Variants in BCAM observed in about 807,000 individuals in gnomAD.
BCAM encodes the protein basal cell adhesion molecule.
BCAM carries 61 observed loss-of-function variants against 72.4 expected under a neutral mutation model. The observed-to-expected ratio is 0.84, with a 90% CI of 0.69 to 1.04. BCAM has a LOEUF of 1.04. BCAM is among the 50% of genes least tolerant of loss of function. BCAM has a pLI of 0.00. For synonymous variants in BCAM, 408 were observed against 384.2 expected (o/e 1.06, Z -0.73); for missense variants, 909 against 895.0 (o/e 1.02, Z -0.20).
intron 2 of BCAM, 22 bp downstream of exon 2, chr19:44,811,368 G>T (rs766877162): frequency 1.2e-6 from 2 of 1,612,518 alleles, no homozygotes; most frequent in Admixed American, 3.3e-5. Context: ...GGGCTGGGGG[G>T]CCTGGAGTCA....
At chr19:44,816,504 G>A (rs1174589874) in intron 8 of BCAM, among the ~76,000 whole-genome samples, 1 of 152,184 alleles carries the variant, frequency 6.6e-6, no homozygotes, top group Non-Finnish European at 1.5e-5. Flanking sequence ...CCAGAGAGGG[G>A]TGACAGCTGC....
chr19:44,820,830 A>G lies in BCAM; in HGVS notation c.1881+8A>G, dbSNP rs1280833767. 4 of 1,515,346 alleles carry G rather than the reference A, an allele frequency of 2.6e-6. No individual in the cohort carries two copies. Among genetic ancestry groups the G allele is most frequent in the South Asian group, 2.5e-5 (2 of 78,956 alleles). 93.9% of individuals were successfully genotyped at this position (1,515,346 alleles called of 1,614,324 possible). A position where few individuals can be genotyped will look rare whatever the true frequency, so the allele number is the denominator to read the frequency against. Reference sequence around the variant, plus strand: ...GGGGGCTTCGGAGACGAGGTGGGTGAGGGCCTGGGCCCCCTGGTGAGAGGG... The same window carrying G: ...GGGGGCTTCGGAGACGAGGTGGGTGGGGGCCTGGGCCCCCTGGTGAGAGGG... On this transcript the variant is annotated splice_region_variant and intron_variant, in intron 14 of 14. Transcript: ENST00000270233.
chr19:44,819,774 C>T, intron 13 of BCAM, 48 bp downstream of exon 13: 1 of 1,520,828 alleles, frequency 6.6e-7, no homozygotes, highest in Non-Finnish European at 8.8e-7. Context: ...AACCCCATCC[C>T]CACCCTCAAC....
Position 44,812,411 on chromosome 19 carries a change from C to T in BCAM, c.433+20C>T. ...TGTTTGGTAAGTGTCCTCGGGCATC[C>T]CCCGAAGGGAGGCAGGCAGGGAGGG... is the stretch of plus-strand genomic sequence containing the variant. On this transcript the variant is annotated intron_variant, in intron 3 of 14. Transcript: ENST00000270233. The surrounding 1 kb of genome is among the most constrained non-coding windows in gnomAD (Gnocchi z 5.3). The T allele has an allele frequency of 1.2e-6, 2 of 1,614,048 alleles. No homozygotes were observed. Among genetic ancestry groups the T allele is most frequent in the Non-Finnish European group, 1.7e-6 (2 of 1,179,942 alleles).
chr19:44,819,807 A>T (rs1429741121), intron 13 of BCAM, 81 bp downstream of exon 13: 1 of 1,459,342 alleles, frequency 6.9e-7, no homozygotes, highest in Admixed American at 2.6e-5. Flanking sequence ...CCATAACCTC[A>T]ACCACATCTT....
chr19:44,814,903 TG>T lies in BCAM; in HGVS notation c.1078+145del. ...TCTCTGCATTTCTTGGGGGTTTTTTTGGTTGTTTTTTTTTTTTTTTTTTTCC... is the reference window on the plus strand; with the variant it reads ...TCTCTGCATTTCTTGGGGGTTTTTTTGTTGTTTTTTTTTTTTTTTTTTTCC... On this transcript the variant is annotated intron_variant, in intron 8 of 14. Transcript: ENST00000270233. This position sits in a 1 kb window ranked among gnomAD's most constrained non-coding sequence, Gnocchi z 4.6. 1 of 1,032,620 alleles carries T rather than the reference TG, an allele frequency of 9.7e-7. No homozygotes were observed. 64.0% of individuals were successfully genotyped at this position (1,032,620 alleles called of 1,614,324 possible). A position where few individuals can be genotyped will look rare whatever the true frequency, so the allele number is the denominator to read the frequency against.
chr19:44,813,169 A>G lies in BCAM; in HGVS notation c.505-81A>G. On this transcript the variant is annotated intron_variant, in intron 4 of 14. Coordinates refer to ENST00000270233, the MANE Select transcript of BCAM (RefSeq NM_005581.5). The surrounding 1 kb of genome is among the most constrained non-coding windows in gnomAD (Gnocchi z 4.2). Reference sequence around the variant, plus strand: ...GTTAGGAGCCCGGCTCATGAGTCTGAGTGGGGAGAACTCCTGAGAGAGGAG... The same window carrying G: ...GTTAGGAGCCCGGCTCATGAGTCTGGGTGGGGAGAACTCCTGAGAGAGGAG... 6.7e-7 allele frequency: 1 copy of G among 1,484,806 alleles called. No homozygotes were observed. The highest frequency in any genetic ancestry group is 9.3e-7 in the Non-Finnish European group (1 of 1,079,680). 92.0% of individuals were successfully genotyped at this position (1,484,806 alleles called of 1,614,324 possible). A position where few individuals can be genotyped will look rare whatever the true frequency, so the allele number is the denominator to read the frequency against.
rs1664124823 is a variant in BCAM at position 44,814,854 on chromosome 19, CCAAA to C, written c.1078+97_1078+100del. 7.5e-6 allele frequency: 10 copies of C among 1,337,414 alleles called. No homozygotes were observed. The South Asian group carries it at 1.7e-4, about 23-fold the overall frequency. 82.8% of individuals were successfully genotyped at this position (1,337,414 alleles called of 1,614,324 possible). On this transcript the variant is annotated intron_variant, in intron 8 of 14. Coordinates refer to ENST00000270233, the MANE Select transcript of BCAM (RefSeq NM_005581.5). This position sits in a 1 kb window ranked among gnomAD's most constrained non-coding sequence, Gnocchi z 4.6. ...ACAGCCCTGAAGTTGCTCTGTCATC[CCAAA>C]CACTCTGCCTTCAACCCTTTCTCTG...
chr19:44,813,366 G>T lies in BCAM; in HGVS notation c.601+20G>T, dbSNP rs28399655. 2,741 of 1,611,566 alleles carry T rather than the reference G, an allele frequency of 1.7e-3. 2 individuals are homozygous for T. The highest frequency in any genetic ancestry group is 2.2e-3 in the Non-Finnish European group (2,634 of 1,178,652). On this transcript the variant is annotated intron_variant, in intron 5 of 14. Coordinates refer to ENST00000270233, the MANE Select transcript of BCAM (RefSeq NM_005581.5). This position sits in a 1 kb window ranked among gnomAD's most constrained non-coding sequence, Gnocchi z 4.2. ...ACCCAGGTGAGCAGCGCAGGAGCGCGGCGGGACGTGGGCTGGGGTGGGTGG... is the reference window on the plus strand; with the variant it reads ...ACCCAGGTGAGCAGCGCAGGAGCGCTGCGGGACGTGGGCTGGGGTGGGTGG...
chr19:44,809,351 CG>C, intron 1 of BCAM, 145 bp downstream of exon 1: 1 of 615,650 alleles, frequency 1.6e-6, no homozygotes, highest in Non-Finnish European at 2.4e-6. Flanking sequence ...TTGGAAGGTA[CG>C]CCTTCCAGTG....
intron 13 of BCAM, 29 bp from the exon 14 acceptor site, chr19:44,820,676 C>T (rs770693032): frequency 9.4e-6 from 13 of 1,389,308 alleles, no homozygotes; most frequent in Middle Eastern, 2.7e-4. Context: ...TCCAACACGA[C>T]GCCTCCGCCC....
rs1037856539 is a variant in BCAM, at chr19:44,818,804, G to A, written c.1258G>A (p.Gly420Ser). 2 of 1,614,096 alleles carry A rather than the reference G, an allele frequency of 1.2e-6. No individual in the cohort carries two copies. Among genetic ancestry groups the A allele is most frequent in the Non-Finnish European group, 1.7e-6 (2 of 1,179,998 alleles). The change falls in exon 10 of 15, where the codon GGC (glycine) becomes AGC (serine). Residue 420 changes from glycine to serine, a missense_variant. Gly to Ser is a moderately conservative substitution (Grantham distance 56, BLOSUM62 0). Coordinates refer to ENST00000270233, the MANE Select transcript of BCAM (RefSeq NM_005581.5). This position sits in a 1 kb window ranked among gnomAD's most constrained non-coding sequence, Gnocchi z 4.6. ...SLSSITFDSN[G>S]TYVCEASLPT... ...CAGTTCTATCACCTTCGATTCCAAT[G>A]GCACCTACGTATGTGAGGCCTCCCT...
Position 44,814,459 on chromosome 19 carries a change from C to G in BCAM, c.922-145C>G. 7.2e-7 allele frequency: 1 copy of G among 1,393,010 alleles called. No individual in the cohort carries two copies. The highest frequency in any genetic ancestry group is 9.6e-7 in the Non-Finnish European group (1 of 1,039,880). 86.3% of individuals were successfully genotyped at this position (1,393,010 alleles called of 1,614,324 possible). On this transcript the variant is annotated intron_variant, in intron 7 of 14. Coordinates refer to ENST00000270233, the MANE Select transcript of BCAM (RefSeq NM_005581.5). The surrounding 1 kb of genome is among the most constrained non-coding windows in gnomAD (Gnocchi z 4.6). ...CCTCTGACCCCTGATTTGAGAGAGT[C>G]AGGACTTAGCATGCCACCTGACTTG...
Position 44,813,773 on chromosome 19 carries a change from C to A in BCAM, c.784+153C>A. The A allele has an allele frequency of 8.8e-7, 1 of 1,132,606 alleles. No homozygotes were observed. Among genetic ancestry groups the A allele is most frequent in the Non-Finnish European group, 1.2e-6 (1 of 818,570 alleles). The allele number at this position is 1,132,606 out of a possible 1,614,324, so 70.2% of individuals were successfully genotyped here. A position where few individuals can be genotyped will look rare whatever the true frequency, so the allele number is the denominator to read the frequency against. On this transcript the variant is annotated intron_variant, in intron 6 of 14. Coordinates refer to ENST00000270233, the MANE Select transcript of BCAM (RefSeq NM_005581.5). The surrounding 1 kb of genome is among the most constrained non-coding windows in gnomAD (Gnocchi z 4.2). ...GCTAGTGCTGGCCACTGACCTCTGA[C>A]CTCAATTGGTCGCACAAGCCCCATC... is the stretch of plus-strand genomic sequence containing the variant.
Position 44,812,894 on chromosome 19 carries a change from G to A in BCAM, c.504+346G>A. Reference sequence around the variant, plus strand: ...GAACCCAGAAGGCAGAGGCTACAGTGAGCTAAGATCACACCACTGCACTCC... The same window carrying A: ...GAACCCAGAAGGCAGAGGCTACAGTAAGCTAAGATCACACCACTGCACTCC... On this transcript the variant is annotated intron_variant, in intron 4 of 14. Coordinates refer to ENST00000270233, the MANE Select transcript of BCAM (RefSeq NM_005581.5). This position sits in a 1 kb window ranked among gnomAD's most constrained non-coding sequence, Gnocchi z 5.3. The A allele has an allele frequency of 2.4e-6, 1 of 410,532 alleles. No homozygotes were observed. The highest frequency in any genetic ancestry group is 4.4e-6 in the Non-Finnish European group (1 of 228,768). 25.4% of individuals were successfully genotyped at this position (410,532 alleles called of 1,614,324 possible).
Position 44,818,961 on chromosome 19 carries a change from G to A in BCAM, c.1336+79G>A. On this transcript the variant is annotated intron_variant, in intron 10 of 14. Transcript: ENST00000270233. The surrounding 1 kb of genome is among the most constrained non-coding windows in gnomAD (Gnocchi z 4.6). ...ACCTGGACAAACAGGACGAGTTCCT[G>A]AGTCCCTGGCTGGGGACTCCATCTT... The A allele has an allele frequency of 6.3e-7, 1 of 1,597,542 alleles. No individual in the cohort carries two copies. The highest frequency in any genetic ancestry group is 8.5e-7 in the Non-Finnish European group (1 of 1,170,196).
chr19:44,819,183 G>T lies in BCAM; in HGVS notation c.1464G>T (p.Leu488Phe). ...ACCCCAAACTCAGCTGGAGCCAATTGGGGGGCAGCGTAAGGGACCTTCCTC... is the reference window on the plus strand; with the variant it reads ...ACCCCAAACTCAGCTGGAGCCAATTTGGGGGCAGCGTAAGGGACCTTCCTC... ...HPDPKLSWSQ[L>F]GGSPAEPIPG... Residue 488 changes from leucine to phenylalanine, a missense_variant, in exon 11 of 15, where the codon TTG becomes TTT. Transcript: ENST00000270233. 1 of 1,613,950 alleles carries T rather than the reference G, an allele frequency of 6.2e-7. No homozygotes were observed. Among genetic ancestry groups the T allele is most frequent in the South Asian group, 1.1e-5 (1 of 91,072 alleles).
At chr19:44,811,090 G>C (rs749034188) in intron 1 of BCAM, 135 bp from the exon 2 acceptor site, 56 of 1,315,862 alleles carry the variant, frequency 4.3e-5, no homozygotes, top group Non-Finnish European at 5.9e-5. Context: ...GGGAGGAGGG[G>C]CTGGCACCTG....
rs1250858366 is a variant in BCAM, at chr19:44,814,693, CA to C, written c.1012del (p.Arg338GlufsTer39). 1 of 1,613,948 alleles carries C rather than the reference CA, an allele frequency of 6.2e-7. No homozygotes were observed. The highest frequency in any genetic ancestry group is 8.5e-7 in the Non-Finnish European group (1 of 1,180,024). The part of the protein sequence containing the change: ...TRGQSGTYGC[R>X]VEDYDAADDV... ...GGGGCCAGAGCGGGACCTATGGCTG[CA>C]GAGTGGAGGATTACGACGCGGCAGA... On this transcript the variant is annotated frameshift_variant, in exon 8 of 15. Transcript: ENST00000270233. LOFTEE classifies it high-confidence loss of function. This position sits in a 1 kb window ranked among gnomAD's most constrained non-coding sequence, Gnocchi z 4.6.
Sources: gnomAD v4.1 joint callset for allele counts (sites outside exome capture counted in the v4.1 genomes callset) on GRCh38, gnomAD v4.1.1 for gene constraint, Gnocchi (gnomAD v3.1) non-coding constraint, MANE v1.5 for transcripts, NCBI Gene and HGNC (gene_info 2026-07-23, HGNC 2026-07-21) for gene names.